Variants in TRDN observed in about 807,000 individuals in gnomAD.
The protein encoded by TRDN is triadin in skeletal muscle.
TRDN carries 161 observed loss-of-function variants against 149.7 expected under a neutral mutation model. The observed-to-expected ratio is 1.08, with a 90% CI of 0.95 to 1.23. The LOEUF is 1.23. Among genes scored for constraint, TRDN ranks in the 50% most tolerant of loss-of-function variants. The pLI is 0.00. For missense variants in TRDN, 896 were observed against 823.5 expected, an observed-to-expected ratio of 1.09 and a Z score of -1.08; for synonymous variants, 294 against 250.5, an observed-to-expected ratio of 1.17 and a Z score of -1.64.
rs190398765 is a variant in TRDN, at chr6:123,437,146, T to C, written c.1051+917A>G. On this transcript the variant is annotated intron_variant, in intron 12 of 40. Transcript: ENST00000334268. ...ATAGTTGAATAACCTTATTTCTTAA[T>C]AGGGTGCATTATTCTTTCTCAGCTT... 8.5e-4 allele frequency among the ~76,000 whole-genome samples: 130 copies of C among 152,236 alleles called. 1 individual carries two copies. Among genetic ancestry groups the C allele is most frequent in the Middle Eastern group, 3.4e-3 (1 of 292 alleles).
At chr6:123,252,953 C>T (rs78333366) in intron 37 of TRDN, among the ~76,000 whole-genome samples, 3,523 of 152,118 alleles carry the variant, frequency 0.023, 146 homozygotes, top group African/African-American at 0.08. Flanking sequence ...TTATACTTAG[C>T]TTGAATAAAA....
chr6:123,453,107 T>A (rs2114661807), intron 10 of TRDN, among the ~76,000 whole-genome samples: 1 of 152,282 alleles, frequency 6.6e-6, no homozygotes, highest in South Asian at 2.1e-4. Flanking sequence ...CAACCCAAGA[T>A]GGATAAAGGA....
chr6:123,599,125 CCTAA>C (rs1206118319), intron 1 of TRDN, among the ~76,000 whole-genome samples: 9 of 152,006 alleles, frequency 5.9e-5, no homozygotes, highest in African/African-American at 1.4e-4. Context: ...TGACAAACTC[CCTAA>C]CTATTAATTG....
rs374729292 is a variant in TRDN, at chr6:123,528,849, G to C, written c.484+1657C>G. 58 of 1,019,756 alleles carry C rather than the reference G, an allele frequency of 5.7e-5. 1 individual carries two copies. In the East Asian group the frequency reaches 2.7e-3, roughly 48 times the overall value. 63.2% of individuals were successfully genotyped at this position (1,019,756 alleles called of 1,614,324 possible). ...CTCTCTCTGATTTCCAGCTCAGTGTGGAGCAACTGAAGCTCTACTTTCACT... is the reference window on the plus strand; with the variant it reads ...CTCTCTCTGATTTCCAGCTCAGTGTCGAGCAACTGAAGCTCTACTTTCACT... On this transcript the variant is annotated intron_variant, in intron 5 of 40. Coordinates refer to ENST00000334268, the MANE Select transcript of TRDN (RefSeq NM_006073.4).
Position 123,444,693 on chromosome 6 carries a change from C to G in TRDN, c.932-5690G>C, listed in dbSNP as rs1369562101. ...AGCTCTTATTATTTTGAAATACGGC[C>G]CATCAATACCTAATTTATTGAGAGT... On this transcript the variant is annotated intron_variant, in intron 10 of 40. Transcript: ENST00000334268. Among the ~76,000 whole-genome samples the G allele has an allele frequency of 9.6e-4, 146 of 151,840 alleles. 2 individuals carry two copies. Among genetic ancestry groups the G allele is most frequent in the Admixed American group, 9.5e-3 (145 of 15,258 alleles).
intron 24 of TRDN, among the ~76,000 whole-genome samples, chr6:123,288,038 T>C (rs2114644750): frequency 6.6e-6 from 1 of 152,032 alleles, no homozygotes. Flanking sequence ...TACCCTATTA[T>C]GCATAGATTA....
intron 23 of TRDN, among the ~76,000 whole-genome samples, chr6:123,329,804 AAAT>A (rs1052486237): frequency 1.3e-5 from 2 of 152,086 alleles, no homozygotes; most frequent in South Asian, 2.1e-4. Flanking sequence ...TGAATTTCTA[AAAT>A]AATAATAATA....
chr6:123,444,932 T>C (rs1163979328), intron 10 of TRDN: 4 of 152,276 alleles, frequency 2.6e-5, no homozygotes, highest in Admixed American at 6.5e-5. Context: ...CAGTATTTTA[T>C]TGAGGATTTT....
intron 37 of TRDN, among the ~76,000 whole-genome samples, chr6:123,253,475 C>T (rs1019719290): frequency 3.9e-5 from 6 of 152,032 alleles, no homozygotes; most frequent in Non-Finnish European, 7.4e-5. Context: ...TGTTAGAGTA[C>T]TATGCTTCAT....
rs760412428 is a variant in TRDN at position 123,596,079 on chromosome 6, T to C, written c.23-24947A>G. Among the ~76,000 whole-genome samples, 46 of 152,194 alleles carry C rather than the reference T, an allele frequency of 3.0e-4. No individual in the cohort carries two copies. The Middle Eastern group carries it at 0.02, about 68-fold the overall frequency. On this transcript the variant is annotated intron_variant, in intron 1 of 40. Transcript: ENST00000334268. ...GGCCTTTTGCACCAAACAGCTAAGT[T>C]GTGAGTGCAAAGGAAAAGTTATTGA... is the stretch of plus-strand genomic sequence containing the variant.
intron 20 of TRDN, among the ~76,000 whole-genome samples, chr6:123,356,205 AGGGGGAAAAC>A (rs1001572358): frequency 1.7e-4 from 26 of 151,802 alleles, no homozygotes; most frequent in African/African-American, 5.8e-4. Flanking sequence ...TTTGATTAGC[AGGGGGAAAAC>A]CTTTAATTTC....
chr6:123,624,387 T>C (rs527687347), intron 1 of TRDN, among the ~76,000 whole-genome samples: 2 of 152,152 alleles, frequency 1.3e-5, no homozygotes, highest in African/African-American at 4.8e-5. Flanking sequence ...TCTGGTCTAC[T>C]TAATTCAAGA....
chr6:123,255,058 G>T, intron 37 of TRDN, 23 bp downstream of exon 37: 1 of 1,260,418 alleles, frequency 7.9e-7, no homozygotes, highest in Non-Finnish European at 1.1e-6. Context: ...TACAAACATA[G>T]TAGTTACGTA....
rs2114402379 is a variant in TRDN, at chr6:123,377,748, T to A, written c.1220-6A>T. On this transcript the variant is annotated splice_region_variant and splice_polypyrimidine_tract_variant and intron_variant, in intron 17 of 40. Coordinates refer to ENST00000334268, the MANE Select transcript of TRDN (RefSeq NM_006073.4). ...TTCTTTCTTTGGTGACTTTGCTGTA[T>A]CAAAAAGGAAAGAAAAAAAAATCAG... 6.2e-7 allele frequency: 1 copy of A among 1,612,880 alleles called. No homozygotes were observed. The highest frequency in any genetic ancestry group is 2.2e-5 in the East Asian group (1 of 44,834).
intron 40 of TRDN, among the ~76,000 whole-genome samples, chr6:123,219,969 G>C (rs1262579334): frequency 6.6e-6 from 1 of 151,784 alleles, no homozygotes; most frequent in African/African-American, 2.4e-5. Context: ...TTATTTAATT[G>C]ATGTTGAATA....
chr6:123,541,828 C>T (rs113231327), intron 4 of TRDN, among the ~76,000 whole-genome samples: 1,693 of 152,218 alleles, frequency 0.011, 30 homozygotes, highest in African/African-American at 0.038. Flanking sequence ...TAATGTTCAG[C>T]CTGGTGTAAA....
intron 12 of TRDN, among the ~76,000 whole-genome samples, chr6:123,423,970 C>T (rs1315929609): frequency 6.6e-6 from 1 of 152,038 alleles, no homozygotes; most frequent in East Asian, 1.9e-4. Context: ...GGAACAATGA[C>T]AGTAACTTGA....
At chr6:123,277,511 A>G (rs1329898335) in intron 26 of TRDN, among the ~76,000 whole-genome samples, 1 of 152,180 alleles carries the variant, frequency 6.6e-6, no homozygotes, top group East Asian at 1.9e-4. Flanking sequence ...ATGGGGCAGT[A>G]GGGTGGGTAT....
chr6:123,452,173 C>T (rs1236649155), intron 10 of TRDN, among the ~76,000 whole-genome samples: 5 of 152,074 alleles, frequency 3.3e-5, no homozygotes, highest in Non-Finnish European at 7.4e-5. Context: ...AGCATTCCCT[C>T]TGAGAGCTGG....
Sources: gnomAD v4.1 joint callset for allele counts (sites outside exome capture counted in the v4.1 genomes callset) on GRCh38, gnomAD v4.1.1 for gene constraint, MANE v1.5 for transcripts, NCBI Gene and HGNC (gene_info 2026-07-23, HGNC 2026-07-21) for gene names.